The following SLC8A1 variants were observed in gnomAD, a reference collection of about 807,000 sequenced individuals.
SLC8A1 encodes sodium/calcium exchanger 1.
A neutral mutation model predicts 68.3 loss-of-function variants in SLC8A1; 18 were observed. The observed-to-expected ratio is 0.26, with a 90% CI of 0.18 to 0.39. SLC8A1 has a LOEUF of 0.39. SLC8A1 is among the 10% of genes least tolerant of loss of function. The probability of loss-of-function intolerance (pLI) is 1.00; values close to 1 mark genes in which losing one functional copy is unlikely to be tolerated. For missense variants in SLC8A1, 985 were observed against 1,156.7 expected, an observed-to-expected ratio of 0.85 and a Z score of 2.15; for synonymous variants, 475 against 415.5, an observed-to-expected ratio of 1.14 and a Z score of -1.74.
At chr2:40,225,197 G>C (rs2058817270) in intron 2 of SLC8A1, among the ~76,000 whole-genome samples, 3 of 152,134 alleles carry the variant, frequency 2.0e-5, no homozygotes, top group Non-Finnish European at 2.9e-5. Flanking sequence ...AAACAGCATA[G>C]GAATTCACAT....
intron 6 of SLC8A1, among the ~76,000 whole-genome samples, chr2:40,150,620 G>A (rs1412109991): frequency 5.3e-5 from 8 of 152,116 alleles, no homozygotes; most frequent in African/African-American, 1.4e-4. Context: ...ACAAAACTGC[G>A]TTAGAGACAC....
At chr2:40,317,613 T>G (rs2074640963) in intron 2 of SLC8A1, among the ~76,000 whole-genome samples, 1 of 152,114 alleles carries the variant, frequency 6.6e-6, no homozygotes, top group Admixed American at 6.6e-5. Context: ...TAGGAATATT[T>G]ATTTAAAATG....
At chr2:40,103,244 C>T (rs926985752) in exon 8 of SLC8A1, 1 of 152,100 alleles carries the variant, frequency 6.6e-6, no homozygotes, top group Non-Finnish European at 1.5e-5. Flanking sequence ...CTTTTTCTTT[C>T]TTCTTTTCTT....
intron 2 of SLC8A1, among the ~76,000 whole-genome samples, chr2:40,197,960 A>T (rs1040349124): frequency 4.6e-5 from 7 of 151,876 alleles, no homozygotes; most frequent in Non-Finnish European, 8.8e-5. Flanking sequence ...TCCACCCCAC[A>T]TCTTTAGTTC....
chr2:40,314,068 G>T (rs1272781335), intron 2 of SLC8A1, among the ~76,000 whole-genome samples: 1 of 151,834 alleles, frequency 6.6e-6, no homozygotes, highest in Non-Finnish European at 1.5e-5. Context: ...AAAGAATCTA[G>T]GAAATCTTTG....
intron 2 of SLC8A1, among the ~76,000 whole-genome samples, chr2:40,191,642 A>G (rs956506817): frequency 6.6e-6 from 1 of 152,220 alleles, no homozygotes; most frequent in Non-Finnish European, 1.5e-5. Context: ...AAATTGAACC[A>G]CTGGACCAAA....
intron 2 of SLC8A1, among the ~76,000 whole-genome samples, chr2:40,219,638 T>C (rs1157625857): frequency 6.6e-6 from 1 of 152,196 alleles, no homozygotes; most frequent in Non-Finnish European, 1.5e-5. Flanking sequence ...ATTATAAGTT[T>C]TTTTCTTCTC....
At chr2:40,200,644 A>T (rs1365368771) in intron 2 of SLC8A1, among the ~76,000 whole-genome samples, 3 of 151,666 alleles carry the variant, frequency 2.0e-5, no homozygotes, top group African/African-American at 7.3e-5. Flanking sequence ...AACTCCTGAA[A>T]ATGCCAACAA....
At chr2:40,453,603 C>T (rs1702810285), upstream of SLC8A1, among the ~76,000 whole-genome samples, 1 of 152,184 alleles carries the variant, frequency 6.6e-6, no homozygotes, top group Non-Finnish European at 1.5e-5. Flanking sequence ...CACCCCCAAA[C>T]TGATTAACTT....
At chr2:40,157,208 T>C (rs548412187) in intron 6 of SLC8A1, among the ~76,000 whole-genome samples, 1 of 152,216 alleles carries the variant, frequency 6.6e-6, no homozygotes, top group Non-Finnish European at 1.5e-5. Context: ...CAACCAACTT[T>C]GGCGTTTCCA....
At chr2:40,119,622 TATA>T (rs1425634594) in intron 7 of SLC8A1, among the ~76,000 whole-genome samples, 1 of 152,212 alleles carries the variant, frequency 6.6e-6, no homozygotes. Flanking sequence ...TTGAAGGGGA[TATA>T]ATAATATTCA....
At chr2:40,460,905 C>T (rs551104020) in intron 1 of SLC8A1, among the ~76,000 whole-genome samples, 17 of 151,892 alleles carry the variant, frequency 1.1e-4, no homozygotes, top group African/African-American at 3.6e-4. Flanking sequence ...GTGCTATGGC[C>T]GGATATGTAC....
At chr2:40,242,634 G>A (rs1273718652) in intron 2 of SLC8A1, among the ~76,000 whole-genome samples, 2 of 152,166 alleles carry the variant, frequency 1.3e-5, no homozygotes, top group Non-Finnish European at 2.9e-5. Flanking sequence ...CTTTGCATTA[G>A]GCATCTCTTT....
At chr2:40,193,252 T>A (rs186738804) in intron 2 of SLC8A1, among the ~76,000 whole-genome samples, 8 of 152,274 alleles carry the variant, frequency 5.3e-5, no homozygotes, top group Admixed American at 3.9e-4. Flanking sequence ...AAGGGCAAGA[T>A]GAATTTATCA....
At chr2:40,317,977 C>A (rs910437170) in intron 2 of SLC8A1, among the ~76,000 whole-genome samples, 6 of 152,024 alleles carry the variant, frequency 3.9e-5, no homozygotes, top group Admixed American at 1.3e-4. Context: ...TGGGTCAGGG[C>A]TGAGAGGATT....
chr2:40,123,345 T>C (rs996215801), intron 7 of SLC8A1: 2 of 152,272 alleles, frequency 1.3e-5, no homozygotes, highest in South Asian at 4.1e-4. Context: ...CTGACTCCTT[T>C]AGCAAACATG....
chr2:40,222,722 A>C (rs1359266022), intron 2 of SLC8A1, among the ~76,000 whole-genome samples: 1 of 152,194 alleles, frequency 6.6e-6, no homozygotes, highest in Non-Finnish European at 1.5e-5. Flanking sequence ...ATGAACAGAC[A>C]CCTCTTAAAG....
At chr2:40,297,572 T>G (rs966390104) in intron 2 of SLC8A1, among the ~76,000 whole-genome samples, 1 of 152,232 alleles carries the variant, frequency 6.6e-6, no homozygotes, top group African/African-American at 2.4e-5. Flanking sequence ...TTGTATAGTC[T>G]CTACTTTGTG....
intron 2 of SLC8A1, among the ~76,000 whole-genome samples, chr2:40,385,012 A>G (rs1337856828): frequency 6.6e-6 from 1 of 152,084 alleles, no homozygotes; most frequent in African/African-American, 2.4e-5. Context: ...TCTAAGTGAT[A>G]TAGTACTTTC....
Sources: gnomAD v4.1 joint callset for allele counts (sites outside exome capture counted in the v4.1 genomes callset) on GRCh38, gnomAD v4.1.1 for gene constraint, MANE v1.5 for transcripts, NCBI Gene and HGNC (gene_info 2026-07-23, HGNC 2026-07-21) for gene names.